The following QTMAN variants were observed in gnomAD, a reference collection of about 807,000 sequenced individuals.
QTMAN encodes queuosine-tRNA mannosyltransferase, also known as tRNA-queuosine alpha-mannosyltransferase.
the QTMAN span, among the ~76,000 whole-genome samples, chr2:144,086,013 T>C: frequency 9.2e-5 from 14 of 152,308 alleles, no homozygotes; most frequent in African/African-American, 3.4e-4. Context: ...GTGGCTCTAC[T>C]ATATATTATT....
the QTMAN span, among the ~76,000 whole-genome samples, chr2:143,995,155 G>A: frequency 1.3e-5 from 2 of 152,062 alleles, no homozygotes; most frequent in African/African-American, 4.8e-5. Context: ...AAAATGTGAA[G>A]GGACATTTGG....
At chr2:143,963,184 T>C in the QTMAN span, among the ~76,000 whole-genome samples, 2 of 152,152 alleles carry the variant, frequency 1.3e-5, no homozygotes, top group Non-Finnish European at 2.9e-5. Flanking sequence ...GGGATTGTTG[T>C]CATACAAAAT....
At chr2:144,293,005 A>C in the QTMAN span, among the ~76,000 whole-genome samples, 1 of 152,198 alleles carries the variant, frequency 6.6e-6, no homozygotes, top group African/African-American at 2.4e-5. Context: ...TTTTGTAAAA[A>C]ATAATAATAT....
At chr2:144,182,899 TATTA>T in the QTMAN span, among the ~76,000 whole-genome samples, 1 of 97,124 alleles carries the variant, frequency 1.0e-5, no homozygotes, top group African/African-American at 4.0e-5. Context: ...TATATATATA[TATTA>T]TATATATATA....
chr2:144,003,808 G>A, the QTMAN span, among the ~76,000 whole-genome samples: 3 of 151,976 alleles, frequency 2.0e-5, no homozygotes, highest in Non-Finnish European at 2.9e-5. Flanking sequence ...TCTACATTTG[G>A]TTGGCTTAGT....
At chr2:144,331,568 G>A in the QTMAN span, among the ~76,000 whole-genome samples, 3 of 151,860 alleles carry the variant, frequency 2.0e-5, no homozygotes, top group Non-Finnish European at 4.4e-5. Flanking sequence ...CCATCACACG[G>A]CCTCAAGGCA....
chr2:144,242,077 A>G, the QTMAN span, among the ~76,000 whole-genome samples: 2 of 152,190 alleles, frequency 1.3e-5, no homozygotes, highest in African/African-American at 2.4e-5. Context: ...AAGTTTCTCC[A>G]GCACAGGAGG....
At chr2:144,136,502 G>A in the QTMAN span, among the ~76,000 whole-genome samples, 10 of 151,666 alleles carry the variant, frequency 6.6e-5, no homozygotes, top group East Asian at 1.9e-4. Flanking sequence ...GAAAAGAGAC[G>A]GGAAAGGAAG....
At chr2:144,142,310 G>A in the QTMAN span, among the ~76,000 whole-genome samples, 3 of 151,950 alleles carry the variant, frequency 2.0e-5, no homozygotes, top group East Asian at 5.8e-4. Flanking sequence ...TAATGGGATC[G>A]CATGAGACTC....
the QTMAN span, among the ~76,000 whole-genome samples, chr2:144,009,189 G>C: frequency 6.6e-6 from 1 of 152,042 alleles, no homozygotes; most frequent in African/African-American, 2.4e-5. Flanking sequence ...AAAGCTGAGG[G>C]AAAAAGAGAG....
the QTMAN span, chr2:144,011,640 T>A: frequency 1.2e-4 from 106 of 884,600 alleles, no homozygotes; most frequent in South Asian, 2.0e-3. Context: ...TCTATGCTAG[T>A]AAAAAAAAAA....
At chr2:143,999,785 T>G in the QTMAN span, among the ~76,000 whole-genome samples, 1 of 152,132 alleles carries the variant, frequency 6.6e-6, no homozygotes, top group African/African-American at 2.4e-5. Context: ...AAGCATACCA[T>G]AATGAAACAG....
At chr2:144,146,885 A>T in the QTMAN span, among the ~76,000 whole-genome samples, 1 of 151,906 alleles carries the variant, frequency 6.6e-6, no homozygotes, top group Non-Finnish European at 1.5e-5. Flanking sequence ...AAAGTTGCAA[A>T]GCAGAGAGAC....
the QTMAN span, among the ~76,000 whole-genome samples, chr2:144,038,612 T>C: frequency 1.3e-5 from 2 of 152,172 alleles, no homozygotes; most frequent in Non-Finnish European, 2.9e-5. Context: ...TCCTGCTGTC[T>C]GAGGAGCTTA....
At chr2:144,242,484 C>T in the QTMAN span, among the ~76,000 whole-genome samples, 3 of 152,132 alleles carry the variant, frequency 2.0e-5, no homozygotes, top group Non-Finnish European at 1.5e-5. Flanking sequence ...AAAAAGTAAG[C>T]TTCTGACTCA....
At chr2:144,286,610 T>C in the QTMAN span, among the ~76,000 whole-genome samples, 1 of 152,194 alleles carries the variant, frequency 6.6e-6, no homozygotes, top group Non-Finnish European at 1.5e-5. Flanking sequence ...GAAACTCCCT[T>C]CTAAAAGACA....
chr2:144,301,176 G>A, the QTMAN span, among the ~76,000 whole-genome samples: 1 of 152,070 alleles, frequency 6.6e-6, no homozygotes, highest in Non-Finnish European at 1.5e-5. Flanking sequence ...CCACAGCTAT[G>A]CAACTTAGTA....
chr2:144,160,710 T>C, the QTMAN span, among the ~76,000 whole-genome samples: 1 of 152,084 alleles, frequency 6.6e-6, no homozygotes, highest in East Asian at 1.9e-4. Context: ...AGGTATTCAA[T>C]GAATAGCTGT....
At chr2:144,321,723 C>T in the QTMAN span, among the ~76,000 whole-genome samples, 19 of 152,144 alleles carry the variant, frequency 1.2e-4, no homozygotes, top group African/African-American at 4.3e-4. Context: ...CCACTTCAAC[C>T]TCCCAAGTAG....
Sources: gnomAD v4.1 joint callset for allele counts (sites outside exome capture counted in the v4.1 genomes callset) on GRCh38, gnomAD v4.1.1 for gene constraint, MANE v1.5 for transcripts, NCBI Gene and HGNC (gene_info 2026-07-23, HGNC 2026-07-21) for gene names.